Variants in COL26A1 observed in about 807,000 individuals in gnomAD.
COL26A1 encodes collagen alpha-1(XXVI) chain.
COL26A1 carries 41 observed loss-of-function variants against 59.3 expected under a neutral mutation model. The observed-to-expected ratio is 0.69, with a 90% CI of 0.54 to 0.90. COL26A1 has a LOEUF of 0.90. Ranked by LOEUF, COL26A1 falls within the 40% of genes least tolerant of loss-of-function variation. The probability of loss-of-function intolerance (pLI) is 0.00; values close to 1 mark genes in which losing one functional copy is unlikely to be tolerated. For synonymous variants in COL26A1, 266 were observed against 256.0 expected (o/e 1.04, Z -0.37); for missense variants, 612 against 602.3 (o/e 1.02, Z -0.17).
intron 3 of COL26A1, among the ~76,000 whole-genome samples, chr7:101,520,660 AC>A (rs1795123249): frequency 2.1e-5 from 3 of 141,622 alleles, no homozygotes; most frequent in African/African-American, 7.7e-5. Flanking sequence ...ACACACACAC[AC>A]ACCCCCGTGT....
At chr7:101,531,061 C>T (rs557478888) in intron 3 of COL26A1, among the ~76,000 whole-genome samples, 4 of 151,870 alleles carry the variant, frequency 2.6e-5, no homozygotes, top group Non-Finnish European at 5.9e-5. Flanking sequence ...AGCTCTGCCT[C>T]CTGGCTTCAT....
At chr7:101,475,801 CTTCCTTCT>C (rs146687051) in intron 3 of COL26A1, among the ~76,000 whole-genome samples, 26,131 of 128,400 alleles carry the variant, frequency 0.2, 4,371 homozygotes, top group African/African-American at 0.48. Flanking sequence ...TCCTTCCTTC[CTTCCTTCT>C]TTCTTTCTTT....
chr7:101,485,939 G>A (rs951041880), intron 3 of COL26A1, among the ~76,000 whole-genome samples: 7 of 152,068 alleles, frequency 4.6e-5, no homozygotes, highest in South Asian at 2.1e-4. Context: ...TTGGGAGGCC[G>A]AGGCAGGTGG....
At chr7:101,433,531 C>T (rs1310078990) in intron 2 of COL26A1, among the ~76,000 whole-genome samples, 2 of 152,088 alleles carry the variant, frequency 1.3e-5, no homozygotes, top group Non-Finnish European at 2.9e-5. Context: ...GCTTCTGAGA[C>T]ACCCCATAGG....
At chr7:101,381,190 C>G (rs1791439178) in intron 1 of COL26A1, among the ~76,000 whole-genome samples, 1 of 152,152 alleles carries the variant, frequency 6.6e-6, no homozygotes, top group Admixed American at 6.5e-5. Flanking sequence ...TTTGGAGGCT[C>G]TGGGAAAGAA....
intron 1 of COL26A1, among the ~76,000 whole-genome samples, chr7:101,404,442 C>G (rs543975295): frequency 2.0e-5 from 3 of 151,892 alleles, no homozygotes. Flanking sequence ...CCTCCCCCCC[C>G]AAATGGCTTT....
At chr7:101,400,026 G>A (rs531235989) in intron 1 of COL26A1, among the ~76,000 whole-genome samples, 33 of 152,246 alleles carry the variant, frequency 2.2e-4, no homozygotes, top group Middle Eastern at 6.8e-3. Context: ...CAGTGGCTGC[G>A]AGTGCTGTGG....
In COL26A1 at chr7:101,539,992, G is replaced by A. The variant is rs751362269; in HGVS notation, c.547G>A (p.Asp183Asn). The change falls in exon 5 of 13, where the codon GAC becomes AAC. Residue 183 changes from aspartate (D) to asparagine (N), a missense_variant. Physicochemically the swap from Asp to Asn is conservative, Grantham distance 23 (BLOSUM62 1). Coordinates refer to ENST00000313669, the MANE Select transcript of COL26A1 (RefSeq NM_001278563.3). ...PPTWNEDFLPDAIPLAHPVPR... is the reference protein window; with the variant it reads ...PPTWNEDFLPNAIPLAHPVPR... The stretch of plus-strand genomic sequence containing the variant: ...GACCTGGAATGAGGACTTCCTCCCC[G>A]ACGCCATCCCTCTTGCTCACCCTGT... The A allele has an allele frequency of 3.1e-6, 5 of 1,613,198 alleles. No individual in the cohort carries two copies. Among genetic ancestry groups the A allele is most frequent in the Non-Finnish European group, 3.4e-6 (4 of 1,179,732 alleles).
At chr7:101,362,637 CGAA>C (rs914304589), upstream of COL26A1, among the ~76,000 whole-genome samples, 31 of 152,156 alleles carry the variant, frequency 2.0e-4, no homozygotes, top group Admixed American at 7.9e-4. Context: ...TTCGCGGACC[CGAA>C]GAAGGTTTGG....
At chr7:101,525,775 T>A (rs185736263) in intron 3 of COL26A1, among the ~76,000 whole-genome samples, 4 of 152,260 alleles carry the variant, frequency 2.6e-5, no homozygotes, top group Middle Eastern at 3.4e-3. Context: ...GGATTACAGG[T>A]GTGAGCCACT....
At chr7:101,511,579 G>T (rs188000028) in intron 3 of COL26A1, among the ~76,000 whole-genome samples, 1 of 152,326 alleles carries the variant, frequency 6.6e-6, no homozygotes, top group South Asian at 2.1e-4. Context: ...AGCGCCACAC[G>T]TGGACAAGAA....
intron 3 of COL26A1, among the ~76,000 whole-genome samples, chr7:101,462,480 C>T (rs994819373): frequency 6.6e-6 from 1 of 151,962 alleles, no homozygotes; most frequent in African/African-American, 2.4e-5. Context: ...CCACACCTGG[C>T]TAATTTTTGT....
chr7:101,479,412 G>A (rs545672598), intron 3 of COL26A1, among the ~76,000 whole-genome samples: 1 of 152,302 alleles, frequency 6.6e-6, no homozygotes, highest in Middle Eastern at 3.4e-3. Context: ...ATTCTGGGTT[G>A]ACAGTTATAT....
chr7:101,419,885 G>A (rs527243684), intron 1 of COL26A1, 92 bp from the exon 2 acceptor site: 11 of 1,443,074 alleles, frequency 7.6e-6, no homozygotes, highest in African/African-American at 7.0e-5. Context: ...CCAGGTTTGC[G>A]GGGGCCCCTC....
intron 3 of COL26A1, among the ~76,000 whole-genome samples, chr7:101,486,365 C>T (rs1056728640): frequency 9.9e-5 from 15 of 152,186 alleles, no homozygotes; most frequent in African/African-American, 3.6e-4. Context: ...TGTCATACCC[C>T]ATAGGGAGCT....
chr7:101,420,043 G>A lies in COL26A1; in HGVS notation c.225G>A (p.Val75=), dbSNP rs1342320110. ...SCQVQNGSET[V]VQRVYQSCRW... is the part of the protein sequence containing the mutation. ...AGGTGCAGAATGGCTCGGAGACGGT[G>A]GTCCAGCGCGTGTACCAGAGCTGCC... Residue 75 remains valine, a synonymous_variant, in exon 2 of 13, where the codon GTG becomes GTA. Coordinates refer to ENST00000313669, the MANE Select transcript of COL26A1 (RefSeq NM_001278563.3). The A allele has an allele frequency of 6.2e-7, 1 of 1,613,148 alleles. No homozygotes were observed. The highest frequency in any genetic ancestry group is 1.7e-5 in the Admixed American group (1 of 60,018).
chr7:101,414,289 T>C (rs1792317987), intron 1 of COL26A1, among the ~76,000 whole-genome samples: 1 of 152,154 alleles, frequency 6.6e-6, no homozygotes, highest in African/African-American at 2.4e-5. Flanking sequence ...CCTGACTCAG[T>C]GTGGTTCAGA....
intron 1 of COL26A1, among the ~76,000 whole-genome samples, chr7:101,397,400 CT>C (rs900500232): frequency 2.0e-5 from 3 of 149,328 alleles, no homozygotes; most frequent in Admixed American, 6.7e-5. Flanking sequence ...TTTTTTTTAT[CT>C]TTCTTTTTTC....
intron 11 of COL26A1, among the ~76,000 whole-genome samples, 155 bp from the exon 12 acceptor site, chr7:101,555,632 A>G (rs1795956552): frequency 6.6e-6 from 1 of 151,718 alleles, no homozygotes; most frequent in South Asian, 2.1e-4. Flanking sequence ...ATAGTTGATG[A>G]TGTTCAGTCT....
Sources: allele counts gnomAD v4.1 joint callset (sites outside exome capture counted in the v4.1 genomes callset), GRCh38; gene constraint gnomAD v4.1.1; transcripts MANE v1.5; gene names NCBI Gene and HGNC (gene_info 2026-07-23, HGNC 2026-07-21).